Variants in WDR64 observed in about 807,000 individuals in gnomAD.
The protein encoded by WDR64 is WD repeat-containing protein 64.
In WDR64, 112 loss-of-function variants were observed where a neutral mutation model predicts 139.3. The observed-to-expected ratio is 0.80, with a 90% CI of 0.69 to 0.94. WDR64 has a LOEUF of 0.94. Among genes scored for constraint, WDR64 ranks in the 40% least tolerant of loss-of-function variants. The pLI, the probability that WDR64 is intolerant of heterozygous loss-of-function variation, is 0.00. For missense variants in WDR64, 1,206 were observed against 1,293.1 expected, an observed-to-expected ratio of 0.93 and a Z score of 1.03; for synonymous variants, 444 against 437.7, an observed-to-expected ratio of 1.01 and a Z score of -0.18.
Position 241,703,957 on chromosome 1 carries a change from G to T in WDR64, c.975-7845G>T, listed in dbSNP as rs374456512. Among the ~76,000 whole-genome samples, 2 of 152,240 alleles carry T rather than the reference G, an allele frequency of 1.3e-5. No individual in the cohort carries two copies. Among genetic ancestry groups the T allele is most frequent in the East Asian group, 1.9e-4 (1 of 5,188 alleles). On this transcript the variant is annotated intron_variant, in intron 8 of 27. Coordinates refer to ENST00000437684, the MANE Select transcript of WDR64 (RefSeq NM_001367482.1). The surrounding 1 kb of genome is among the most constrained non-coding windows in gnomAD (Gnocchi z 5.9). ...ACACAAGAACAACACGGGAGAAGCC[G>T]CCCCCATGAACCAATCACCTCCCAC...
intron 25 of WDR64, among the ~76,000 whole-genome samples, chr1:241,792,406 T>C (rs190138984): frequency 1.2e-3 from 182 of 152,062 alleles, no homozygotes; most frequent in African/African-American, 4.3e-3. Flanking sequence ...CGTGGTGGTG[T>C]GCACCTGTAG....
intron 10 of WDR64, among the ~76,000 whole-genome samples, chr1:241,727,177 G>A (rs1365531494): frequency 1.3e-5 from 2 of 152,116 alleles, no homozygotes; most frequent in African/African-American, 2.4e-5. Context: ...GTGAGCCACC[G>A]TGCCCAGCTT....
intron 2 of WDR64, among the ~76,000 whole-genome samples, chr1:241,661,763 CA>C (rs1275212171): frequency 6.6e-6 from 1 of 152,136 alleles, no homozygotes; most frequent in Non-Finnish European, 1.5e-5. Context: ...TTTAACAAGT[CA>C]GGGGAGAAAA....
chr1:241,664,743 C>T (rs1665965593), intron 2 of WDR64, among the ~76,000 whole-genome samples: 1 of 151,954 alleles, frequency 6.6e-6, no homozygotes, highest in African/African-American at 2.4e-5. Flanking sequence ...TTAATCTTCA[C>T]AATAGCCACG....
chr1:241,757,921 G>A (rs575749815), intron 15 of WDR64, among the ~76,000 whole-genome samples: 1 of 152,120 alleles, frequency 6.6e-6, no homozygotes, highest in East Asian at 1.9e-4. Flanking sequence ...TAATTTGTAA[G>A]AAGTTGTTAA....
chr1:241,795,229 G>T lies in WDR64; in HGVS notation c.3020G>T (p.Gly1007Val). The change falls in exon 26 of 28, where the codon GGT (glycine) becomes GTT (valine). Residue 1007 changes from glycine (G) to valine (V), a missense_variant. Gly to Val is a moderately radical substitution (Grantham distance 109). Coordinates refer to ENST00000437684, the MANE Select transcript of WDR64 (RefSeq NM_001367482.1). ...CAGATTCGAAGATATCCCTTGGAAG[G>T]TTTCGTGACTGAAAACAGAGAGGCA... The part of the protein sequence containing the change: ...SPKIRRYPLE[G>V]FVTENREAGI... The T allele has an allele frequency of 1.2e-6, 2 of 1,613,800 alleles. No individual in the cohort carries two copies. The highest frequency in any genetic ancestry group is 1.3e-5 in the African/African-American group (1 of 75,002).
At position 241,772,851 on chromosome 1, in the gene WDR64, A is replaced by G; in HGVS notation, c.2350A>G (p.Ile784Val). 1.9e-6 allele frequency: 3 copies of G among 1,552,118 alleles called. No homozygotes were observed. The South Asian group carries it at 3.6e-5, about 18-fold the overall frequency. Reference sequence around the variant, plus strand: ...GCCAATGGACAAAAAACACCCTGGAATTGCCAATTTACCAGAAGCCCAGCC... The same window carrying G: ...GCCAATGGACAAAAAACACCCTGGAGTTGCCAATTTACCAGAAGCCCAGCC... ...QQPMDKKHPGIANLPEAQPPI... is the reference protein window; with the variant it reads ...QQPMDKKHPGVANLPEAQPPI... Residue 784 changes from isoleucine (I) to valine (V), a missense_variant, in exon 20 of 28, where the codon ATT (isoleucine) becomes GTT (valine). By Grantham distance (29) the Ile-to-Val change is conservative (BLOSUM62 3). Transcript: ENST00000437684.
At chr1:241,774,940 A>G (rs1658594425) in intron 20 of WDR64, among the ~76,000 whole-genome samples, 165 bp from the exon 21 acceptor site, 1 of 152,186 alleles carries the variant, frequency 6.6e-6, no homozygotes, top group Non-Finnish European at 1.5e-5. Flanking sequence ...ATAAGTCCCT[A>G]TGGATAGTTT....
At chr1:241,799,223 A>AAAAAAAAAAAAAAAC (rs57367475) in intron 27 of WDR64, among the ~76,000 whole-genome samples, 1 of 131,486 alleles carries the variant, frequency 7.6e-6, no homozygotes, top group Non-Finnish European at 1.7e-5. Flanking sequence ...AAAAAAAAAA[A>AAAAAAAAAAAAAAAC]TACAAAAATT....
intron 15 of WDR64, among the ~76,000 whole-genome samples, chr1:241,764,760 T>C (rs1658078860): frequency 6.6e-6 from 1 of 152,014 alleles, no homozygotes; most frequent in Admixed American, 6.5e-5. Flanking sequence ...ATCTAGGCAG[T>C]AAAAGTAGCA....
Position 241,771,650 on chromosome 1 carries a change from C to T in WDR64, c.2254-11C>T, listed in dbSNP as rs961458837. ...CATGGAAGTCTTTTCTCTTTTCCTC[C>T]CATAATTCAGGGAAGCAAGCAAAGC... On this transcript the variant is annotated splice_polypyrimidine_tract_variant and intron_variant, in intron 18 of 27. Coordinates refer to ENST00000437684, the MANE Select transcript of WDR64 (RefSeq NM_001367482.1). 6.7e-7 allele frequency: 1 copy of T among 1,493,824 alleles called. No homozygotes were observed. The highest frequency in any genetic ancestry group is 1.4e-5 in the African/African-American group (1 of 70,620). 92.5% of individuals were successfully genotyped at this position (1,493,824 alleles called of 1,614,324 possible).
intron 7 of WDR64, 82 bp from the exon 8 acceptor site, chr1:241,687,379 G>A: frequency 6.6e-7 from 1 of 1,525,488 alleles, no homozygotes; most frequent in South Asian, 1.2e-5. Flanking sequence ...TTCAGTTACA[G>A]TCAAAGTAAA....
chr1:241,709,715 A>G (rs562193349), intron 8 of WDR64, among the ~76,000 whole-genome samples: 1 of 152,242 alleles, frequency 6.6e-6, no homozygotes, highest in East Asian at 1.9e-4. Flanking sequence ...ATAAAAAGGA[A>G]CTGCAGTATC....
chr1:241,726,957 G>C (rs1018306482), intron 10 of WDR64, among the ~76,000 whole-genome samples: 4 of 151,836 alleles, frequency 2.6e-5, no homozygotes, highest in Non-Finnish European at 5.9e-5. Context: ...CACCATCTCA[G>C]CTCACTGCAA....
Position 241,652,532 on chromosome 1 carries a change from C to T in WDR64, c.48C>T (p.Ser16=). ...GTCTCAACATGGCACTTCAGATGAG[C>T]AATTTCAAAAAGGCTTTGAACAGGT... is the stretch of plus-strand genomic sequence containing the variant. ...EKRLNMALQM[S]NFKKALNRFE... The change falls in exon 1 of 28, where the codon AGC becomes AGT. Residue 16 remains serine, a synonymous_variant. Transcript: ENST00000437684. 6.4e-7 allele frequency: 1 copy of T among 1,552,150 alleles called. No homozygotes were observed. The highest frequency in any genetic ancestry group is 8.7e-7 in the Non-Finnish European group (1 of 1,147,098).
At chr1:241,724,124 T>C (rs1668713205) in intron 10 of WDR64, among the ~76,000 whole-genome samples, 2 of 152,126 alleles carry the variant, frequency 1.3e-5, no homozygotes, top group South Asian at 4.1e-4. Context: ...AAGATAACTA[T>C]GAAGTTTTAC....
chr1:241,697,165 C>T (rs1306164246), intron 8 of WDR64, among the ~76,000 whole-genome samples: 1 of 152,150 alleles, frequency 6.6e-6, no homozygotes, highest in Non-Finnish European at 1.5e-5. Context: ...AATCCCTTTA[C>T]ATGCCTTTGC....
chr1:241,717,454 T>C (rs769224030), intron 9 of WDR64, among the ~76,000 whole-genome samples: 12 of 151,956 alleles, frequency 7.9e-5, no homozygotes, highest in Middle Eastern at 6.8e-3. Context: ...CTAGATGCTA[T>C]CTCTCTCCTG....
At chr1:241,688,282 A>T (rs1410705564) in intron 8 of WDR64, among the ~76,000 whole-genome samples, 1 of 152,210 alleles carries the variant, frequency 6.6e-6, no homozygotes, top group Admixed American at 6.5e-5. Context: ...TGGTGGTAGA[A>T]GCAGGGATCC....
Sources: allele counts gnomAD v4.1 joint callset (sites outside exome capture counted in the v4.1 genomes callset), GRCh38; gene constraint gnomAD v4.1.1; non-coding constraint Gnocchi (gnomAD v3.1); transcripts MANE v1.5; gene names NCBI Gene and HGNC (gene_info 2026-07-23, HGNC 2026-07-21).